The following AGBL4 variants were observed in gnomAD, a reference collection of about 807,000 sequenced individuals.
The protein encoded by AGBL4 is AGBL carboxypeptidase 4, also known as cytosolic carboxypeptidase 6.
AGBL4 carries 58 observed loss-of-function variants against 66.4 expected under a neutral mutation model. The observed-to-expected ratio is 0.87, with a 90% confidence interval of 0.71 to 1.09. AGBL4 has a LOEUF of 1.09. AGBL4 is among the 50% of genes least tolerant of loss of function. The pLI is 0.00. For synonymous variants in AGBL4, 234 were observed against 222.9 expected, an observed-to-expected ratio of 1.05 and a Z score of -0.44; for missense variants, 579 against 631.0, an observed-to-expected ratio of 0.92 and a Z score of 0.88.
At position 49,567,006 on chromosome 1, in the gene AGBL4, G is replaced by A. The variant is rs367991234; in HGVS notation, c.282+130307C>T. On this transcript the variant is annotated intron_variant, in intron 3 of 13. Transcript: ENST00000371839. Reference sequence around the variant, plus strand: ...TACTCAAGCCTGGACAATGGCAGGCGCCCCTCCCCCAGCCTCACTGCCACC... The same window carrying A: ...TACTCAAGCCTGGACAATGGCAGGCACCCCTCCCCCAGCCTCACTGCCACC... 3.9e-5 allele frequency among the ~76,000 whole-genome samples: 6 copies of A among 152,162 alleles called. No individual in the cohort carries two copies. The South Asian group carries it at 8.3e-4, about 21-fold the overall frequency.
chr1:49,887,067 G>C (rs530507117), intron 1 of AGBL4, among the ~76,000 whole-genome samples: 8 of 151,454 alleles, frequency 5.3e-5, no homozygotes, highest in Non-Finnish European at 1.5e-5. Flanking sequence ...TAAGACTTAG[G>C]ATATCCTTCA....
chr1:49,218,807 G>A (rs1473978051), intron 4 of AGBL4, among the ~76,000 whole-genome samples: 1 of 152,090 alleles, frequency 6.6e-6, no homozygotes, highest in African/African-American at 2.4e-5. Context: ...GGAGGTAACT[G>A]AATCATTGGG....
chr1:49,684,490 GA>G (rs1558160641), intron 3 of AGBL4, among the ~76,000 whole-genome samples: 1 of 152,064 alleles, frequency 6.6e-6, no homozygotes, highest in Non-Finnish European at 1.5e-5. Flanking sequence ...AAGGGTAAAA[GA>G]AAATCCAGCA....
At chr1:49,839,967 C>G (rs1260624025) in intron 2 of AGBL4, among the ~76,000 whole-genome samples, 3 of 151,986 alleles carry the variant, frequency 2.0e-5, no homozygotes, top group Admixed American at 2.0e-4. Context: ...CAGGAGGATC[C>G]ACAAGACAGA....
At chr1:49,619,416 T>A (rs998766412) in intron 3 of AGBL4, among the ~76,000 whole-genome samples, 2 of 152,108 alleles carry the variant, frequency 1.3e-5, no homozygotes, top group Non-Finnish European at 2.9e-5. Context: ...TTACAAGGGA[T>A]GTGAAGGACC....
chr1:49,159,719 T>C (rs774157574), intron 4 of AGBL4, among the ~76,000 whole-genome samples: 24 of 152,188 alleles, frequency 1.6e-4, no homozygotes, highest in Non-Finnish European at 3.4e-4. Context: ...ATAGATTTGG[T>C]CTTTTCACAT....
intron 6 of AGBL4, among the ~76,000 whole-genome samples, chr1:48,692,166 G>A (rs952904681): frequency 6.6e-6 from 1 of 152,074 alleles, no homozygotes; most frequent in African/African-American, 2.4e-5. Flanking sequence ...AGAGGAAGTA[G>A]AGATACAGGG....
chr1:49,877,748 T>A (rs1647064124), intron 1 of AGBL4, among the ~76,000 whole-genome samples: 1 of 151,280 alleles, frequency 6.6e-6, no homozygotes, highest in African/African-American at 2.4e-5. Flanking sequence ...CAGTTCCTCC[T>A]TGTACCTCTG....
At chr1:49,853,262 G>A (rs753679363) in intron 1 of AGBL4, among the ~76,000 whole-genome samples, 14 of 152,074 alleles carry the variant, frequency 9.2e-5, no homozygotes, top group Non-Finnish European at 1.8e-4. Flanking sequence ...AATTCATGAA[G>A]AAATGGGAAA....
chr1:49,785,973 A>T (rs1255178248), intron 2 of AGBL4, among the ~76,000 whole-genome samples: 2 of 151,380 alleles, frequency 1.3e-5, no homozygotes, highest in Non-Finnish European at 2.9e-5. Flanking sequence ...AGAAAAAAGG[A>T]CTGTCTTCTC....
At chr1:49,084,377 G>T (rs1386643698) in intron 4 of AGBL4, among the ~76,000 whole-genome samples, 1 of 152,220 alleles carries the variant, frequency 6.6e-6, no homozygotes, top group Non-Finnish European at 1.5e-5. Flanking sequence ...AAAGGAAAGA[G>T]GTTTAAATAA....
chr1:49,178,944 C>T (rs1402542985), intron 4 of AGBL4, among the ~76,000 whole-genome samples: 1 of 152,152 alleles, frequency 6.6e-6, no homozygotes, highest in East Asian at 1.9e-4. Flanking sequence ...GAGATGGTAT[C>T]AAAGCTGCAT....
intron 2 of AGBL4, among the ~76,000 whole-genome samples, chr1:49,823,559 C>T (rs1037198873): frequency 6.6e-6 from 1 of 152,090 alleles, no homozygotes; most frequent in African/African-American, 2.4e-5. Context: ...AAATCAGCTA[C>T]CTTTGGACCT....
intron 3 of AGBL4, among the ~76,000 whole-genome samples, chr1:49,309,266 G>A (rs151728): frequency 0.69 from 105,405 of 151,912 alleles, 37,443 homozygotes; most frequent in African/African-American, 0.81. Context: ...AAGATTATTT[G>A]TGTACATGTA....
intron 3 of AGBL4, among the ~76,000 whole-genome samples, chr1:49,511,168 C>T (rs2148783078): frequency 6.6e-6 from 1 of 151,946 alleles, no homozygotes; most frequent in Admixed American, 6.6e-5. Context: ...ATGTTTATTG[C>T]AGCATTATTC....
At chr1:49,852,834 A>C (rs2148066607) in intron 1 of AGBL4, among the ~76,000 whole-genome samples, 1 of 152,204 alleles carries the variant, frequency 6.6e-6, no homozygotes, top group African/African-American at 2.4e-5. Context: ...GGTCATCTTA[A>C]ATACTCAATC....
chr1:49,426,078 A>G (rs1270755564), intron 3 of AGBL4, among the ~76,000 whole-genome samples: 1 of 152,204 alleles, frequency 6.6e-6, no homozygotes, highest in Admixed American at 6.5e-5. Context: ...TAAGTCAAAA[A>G]AGATTTACTT....
intron 3 of AGBL4, among the ~76,000 whole-genome samples, chr1:49,288,366 A>G (rs957957757): frequency 6.8e-6 from 1 of 146,770 alleles, no homozygotes; most frequent in African/African-American, 2.5e-5. Context: ...AAGTATAATA[A>G]AAAAAAAAAA....
chr1:48,622,345 T>C (rs571713709), intron 9 of AGBL4, among the ~76,000 whole-genome samples: 1 of 152,278 alleles, frequency 6.6e-6, no homozygotes, highest in Admixed American at 6.5e-5. Flanking sequence ...TTTACCCACA[T>C]GGTACCCGGA....
Sources: allele counts gnomAD v4.1 joint callset (sites outside exome capture counted in the v4.1 genomes callset), GRCh38; gene constraint gnomAD v4.1.1; transcripts MANE v1.5; gene names NCBI Gene and HGNC (gene_info 2026-07-23, HGNC 2026-07-21).